The following ZNF547 variants were observed in gnomAD, a reference collection of about 807,000 sequenced individuals.
ZNF547 encodes the protein zinc finger protein 547.
ZNF547 carries 4 observed loss-of-function variants against 7.7 expected under a neutral mutation model. The observed-to-expected ratio is 0.52, with a 90% confidence interval of 0.26 to 1.20. ZNF547 has a LOEUF of 1.20. Ranked by LOEUF, ZNF547 falls within the 50% of genes most tolerant of loss-of-function variation. The pLI, the probability that ZNF547 is intolerant of heterozygous loss-of-function variation, is 0.14. For synonymous variants in ZNF547, 166 were observed against 166.2 expected, an observed-to-expected ratio of 1.00 and a Z score of 0.01; for missense variants, 449 against 485.8, an observed-to-expected ratio of 0.92 and a Z score of 0.71.
chr19:57,375,403 C>A lies in ZNF547; in HGVS notation c.152-1725C>A, dbSNP rs542662759. Reference sequence around the variant, plus strand: ...TGGTGGCCCACTCCGGTAATCCCAGCACCTTGGGGGGGCTGAGGTGGACGG... The same window carrying A: ...TGGTGGCCCACTCCGGTAATCCCAGAACCTTGGGGGGGCTGAGGTGGACGG... On this transcript the variant is annotated intron_variant, in intron 3 of 3. Transcript: ENST00000282282. Among the ~76,000 whole-genome samples, 11 of 149,884 alleles carry A rather than the reference C, an allele frequency of 7.3e-5. No homozygotes were observed. In the South Asian group the frequency reaches 1.5e-3, roughly 20 times the overall value.
At position 57,377,163 on chromosome 19, in the gene ZNF547, T is replaced by C. The variant is rs747828436; in HGVS notation, c.187T>C (p.Leu63=). ...TGGAGCTGAGGATGAGGAGGCACCT[T>C]TAGAGCCAGGTGTTTCTGTAGGAGT... The part of the protein sequence containing the change: ...CHGAEDEEAP[L]EPGVSVGVSQ... Residue 63 remains leucine (L), a synonymous_variant, in exon 4 of 4, where the codon TTA becomes CTA. Coordinates refer to ENST00000282282, the MANE Select transcript of ZNF547 (RefSeq NM_173631.4). 3.1e-6 allele frequency: 5 copies of C among 1,614,026 alleles called. No homozygotes were observed. Among genetic ancestry groups the C allele is most frequent in the Non-Finnish European group, 4.2e-6 (5 of 1,180,004 alleles).
intron 3 of ZNF547, among the ~76,000 whole-genome samples, chr19:57,372,940 C>T (rs531899310): frequency 6.6e-6 from 1 of 152,356 alleles, no homozygotes; most frequent in Non-Finnish European, 1.5e-5. Flanking sequence ...CTCCTCTCTG[C>T]ACTGTACCCC....
At chr19:57,372,031 A>T (rs981607339) in intron 3 of ZNF547, 123 bp downstream of exon 3, 1 of 1,417,066 alleles carries the variant, frequency 7.1e-7, no homozygotes, top group African/African-American at 1.4e-5. Context: ...GTTTCCTGAC[A>T]TATGTTCCAT....
At position 57,379,314 on chromosome 19, in the gene ZNF547, C is replaced by T. The variant is rs2088559549; in HGVS notation, c.*1129C>T. 6.6e-6 allele frequency: 1 copy of T among 152,190 alleles called. No individual in the cohort carries two copies. Among genetic ancestry groups the T allele is most frequent in the Non-Finnish European group, 1.5e-5 (1 of 68,078 alleles). 9.4% of individuals were successfully genotyped at this position (152,190 alleles called of 1,614,324 possible). A position where few individuals can be genotyped will look rare whatever the true frequency, so the allele number is the denominator to read the frequency against. ...ACATTCCACAAAAGTTGTGATTTGT[C>T]CTCATTCTAATCCATAGAAGGCAAC... On this transcript the variant is annotated 3_prime_UTR_variant, in exon 4 of 4. Coordinates refer to ENST00000282282, the MANE Select transcript of ZNF547 (RefSeq NM_173631.4).
At chr19:57,363,930 A>C (rs2088442433) in intron 1 of ZNF547, 1 of 152,318 alleles carries the variant, frequency 6.6e-6, no homozygotes, top group Admixed American at 6.5e-5. Context: ...GGGAGCCCGG[A>C]GTGTGGGTTG....
chr19:57,364,635 G>A (rs2088449603), intron 1 of ZNF547: 5 of 604,876 alleles, frequency 8.3e-6, no homozygotes, highest in Admixed American at 2.9e-5. Context: ...CAGCTATTCG[G>A]GAGGCTGAGG....
intron 2 of ZNF547, among the ~76,000 whole-genome samples, chr19:57,370,210 C>G (rs908596502): frequency 6.6e-6 from 1 of 152,108 alleles, no homozygotes; most frequent in Non-Finnish European, 1.5e-5. Context: ...TCAGGCTTAA[C>G]AGGAAGCATA....
rs779915584 is a variant in ZNF547 at position 57,377,691 on chromosome 19, C to A, written c.715C>A (p.Pro239Thr). 3 of 1,612,372 alleles carry A rather than the reference C, an allele frequency of 1.9e-6. No homozygotes were observed. Among genetic ancestry groups the A allele is most frequent in the Non-Finnish European group, 2.5e-6 (3 of 1,178,686 alleles). Residue 239 changes from proline (P) to threonine (T), a missense_variant, in exon 4 of 4, where the codon CCT becomes ACT. Pro to Thr is a conservative substitution (Grantham distance 38). Transcript: ENST00000282282. ...RHQTIHSGER[P>T]YECSECGKLF... The stretch of plus-strand genomic sequence containing the variant: ...CCAGACAATCCACTCTGGAGAAAGG[C>A]CTTATGAGTGCAGTGAATGTGGGAA...
Position 57,378,837 on chromosome 19 carries a change from A to G in ZNF547, c.*652A>G, listed in dbSNP as rs764663099. ...AAAATGAAACTCTATAACCACCATT[A>G]AAAAAACAACTCATTCCCACATTCT... is the stretch of plus-strand genomic sequence containing the variant. On this transcript the variant is annotated 3_prime_UTR_variant, in exon 4 of 4. Transcript: ENST00000282282. 1.8e-5 allele frequency: 7 copies of G among 388,986 alleles called. No individual in the cohort carries two copies. Among genetic ancestry groups the G allele is most frequent in the Non-Finnish European group, 3.5e-5 (7 of 200,146 alleles). The allele number at this position is 388,986 out of a possible 1,614,324, so 24.1% of individuals were successfully genotyped here. A position where few individuals can be genotyped will look rare whatever the true frequency, so the allele number is the denominator to read the frequency against.
intron 1 of ZNF547, chr19:57,364,941 T>G (rs1467636655): frequency 9.3e-6 from 15 of 1,613,138 alleles, no homozygotes; most frequent in Non-Finnish European, 9.3e-6. Flanking sequence ...ACCATCGTCA[T>G]CTGAACCAGT....
intron 1 of ZNF547, chr19:57,365,459 G>A (rs1168172376): frequency 3.9e-6 from 2 of 511,812 alleles, no homozygotes; most frequent in Non-Finnish European, 6.9e-6. Flanking sequence ...ATTTCCTTGT[G>A]AACAATGTTA....
At chr19:57,366,272 G>A (rs1352164209) in intron 1 of ZNF547, among the ~76,000 whole-genome samples, 2 of 151,964 alleles carry the variant, frequency 1.3e-5, no homozygotes, top group Non-Finnish European at 2.9e-5. Flanking sequence ...GCAGGCTGGA[G>A]TGCAGTGGCA....
In ZNF547 at chr19:57,368,549, C is replaced by T; in HGVS notation, c.-7C>T. ...CGGTTTCCCTCTTCCTTCAGGGTCC[C>T]CTGGCGATGGCAGAAATGAACCCTG... On this transcript the variant is annotated 5_prime_UTR_variant, in exon 2 of 4. Coordinates refer to ENST00000282282, the MANE Select transcript of ZNF547 (RefSeq NM_173631.4). The T allele has an allele frequency of 1.2e-6, 2 of 1,614,098 alleles. No individual in the cohort carries two copies. The highest frequency in any genetic ancestry group is 1.3e-5 in the African/African-American group (1 of 75,030).
chr19:57,371,923 C>T lies in ZNF547; in HGVS notation c.151+15C>T. On this transcript the variant is annotated intron_variant, in intron 3 of 3. Coordinates refer to ENST00000282282, the MANE Select transcript of ZNF547 (RefSeq NM_173631.4). ...GTCCTCACTAGGTAAGGCCCTCACA[C>T]TTGCCCAGTGTCCTGGGTTGGGCTG... is the stretch of plus-strand genomic sequence containing the variant. 6.3e-7 allele frequency: 1 copy of T among 1,588,118 alleles called. No individual in the cohort carries two copies. The highest frequency in any genetic ancestry group is 8.6e-7 in the Non-Finnish European group (1 of 1,166,206).
chr19:57,376,652 T>G (rs1001179812), intron 3 of ZNF547, among the ~76,000 whole-genome samples: 2 of 152,216 alleles, frequency 1.3e-5, no homozygotes, highest in Non-Finnish European at 2.9e-5. Flanking sequence ...GTCCAGGTGC[T>G]GGGGTGATTA....
At chr19:57,366,203 TG>T (rs1215679048) in intron 1 of ZNF547, among the ~76,000 whole-genome samples, 102 of 149,336 alleles carry the variant, frequency 6.8e-4, no homozygotes, top group Non-Finnish European at 9.6e-4. Context: ...TAAGCTTTTT[TG>T]TGTGTGTGTG....
chr19:57,377,031 T>C (rs2088539917), intron 3 of ZNF547, 97 bp from the exon 4 acceptor site: 5 of 1,270,456 alleles, frequency 3.9e-6, no homozygotes, highest in Non-Finnish European at 5.4e-6. Flanking sequence ...ACCAATTCCA[T>C]GATCATTTTC....
rs28866942 is a variant in ZNF547 at position 57,373,649 on chromosome 19, A to C, written c.151+1741A>C. Among the ~76,000 whole-genome samples the C allele has an allele frequency of 4.5e-3, 691 of 152,312 alleles. 6 individuals are homozygous for C. The highest frequency in any genetic ancestry group is 0.015 in the African/African-American group (644 of 41,550). The stretch of plus-strand genomic sequence containing the variant: ...ATAATGGGGATAGAGGCACTGGATA[A>C]ATGTACCTATTCCTAATGGAAGAAA... On this transcript the variant is annotated intron_variant, in intron 3 of 3. Transcript: ENST00000282282.
At chr19:57,371,349 G>A (rs912304036) in intron 2 of ZNF547, among the ~76,000 whole-genome samples, 1 of 152,230 alleles carries the variant, frequency 6.6e-6, no homozygotes, top group Non-Finnish European at 1.5e-5. Context: ...CCCTAAGGAG[G>A]TTACATACCA....
Sources: gnomAD v4.1 joint callset for allele counts (sites outside exome capture counted in the v4.1 genomes callset) on GRCh38, gnomAD v4.1.1 for gene constraint, MANE v1.5 for transcripts, NCBI Gene and HGNC (gene_info 2026-07-23, HGNC 2026-07-21) for gene names.